Variants in PPP1R13B observed in about 807,000 individuals in gnomAD.
The protein encoded by PPP1R13B is apoptosis-stimulating of p53 protein 1.
A neutral mutation model predicts 119.8 loss-of-function variants in PPP1R13B; 44 were observed. The observed-to-expected ratio is 0.37, with a 90% CI of 0.29 to 0.47. PPP1R13B has a LOEUF of 0.47. PPP1R13B is among the 20% of genes least tolerant of loss of function. The pLI is 0.99. For synonymous variants in PPP1R13B, 542 were observed against 561.5 expected, an observed-to-expected ratio of 0.97 and a Z score of 0.49; for missense variants, 1,227 against 1,413.5, an observed-to-expected ratio of 0.87 and a Z score of 2.12.
In PPP1R13B at chr14:103,738,399, G is replaced by C. The variant is rs543435458; in HGVS notation, c.2864+280C>G. 2.1e-6 allele frequency: 1 copy of C among 476,138 alleles called. No homozygotes were observed. Among genetic ancestry groups the C allele is most frequent in the African/African-American group, 2.0e-5 (1 of 51,118 alleles). 29.5% of individuals were successfully genotyped at this position (476,138 alleles called of 1,614,324 possible). ...GAGTCCATACGGAACATATGAGAAG[G>C]GGAAGATGGAATGATTCACAGAATG... On this transcript the variant is annotated intron_variant, in intron 14 of 16. Transcript: ENST00000202556. This position sits in a 1 kb window ranked among gnomAD's most constrained non-coding sequence, Gnocchi z 5.6.
chr14:103,819,507 ACAAAC>A (rs1567148629), intron 1 of PPP1R13B, among the ~76,000 whole-genome samples: 7 of 145,986 alleles, frequency 4.8e-5, no homozygotes, highest in African/African-American at 5.1e-5. Flanking sequence ...ATTAAAAAAA[ACAAAC>A]AAACAAAAAA....
intron 1 of PPP1R13B, chr14:103,846,771 G>T (rs1201249481): frequency 2.2e-6 from 1 of 456,838 alleles, no homozygotes; most frequent in Admixed American, 2.3e-5. Context: ...AAAGCAAAAC[G>T]AACCAACATT....
At chr14:103,826,453 T>C (rs184834307) in intron 1 of PPP1R13B, among the ~76,000 whole-genome samples, 1 of 152,256 alleles carries the variant, frequency 6.6e-6, no homozygotes, top group African/African-American at 2.4e-5. Flanking sequence ...ACTCAGGTAT[T>C]ACCATGAGAA....
At position 103,830,483 on chromosome 14, in the gene PPP1R13B, G is replaced by A. The variant is rs1323119511; in HGVS notation, c.9+16816C>T. Among the ~76,000 whole-genome samples the A allele has an allele frequency of 7.2e-5, 11 of 152,096 alleles. 1 individual carries two copies. Among genetic ancestry groups the A allele is most frequent in the Admixed American group, 7.2e-4 (11 of 15,264 alleles). The stretch of plus-strand genomic sequence containing the variant: ...CTACTATGCCCTCCATTTTATAGAT[G>A]AGGAAACTGAGACGCAGAGAAATTA... On this transcript the variant is annotated intron_variant, in intron 1 of 16. Transcript: ENST00000202556.
chr14:103,801,563 C>T (rs189917395), intron 1 of PPP1R13B, among the ~76,000 whole-genome samples: 12 of 152,298 alleles, frequency 7.9e-5, no homozygotes, highest in South Asian at 2.1e-4. Flanking sequence ...TTACCGCCTC[C>T]GCTCACCAGG....
intron 12 of PPP1R13B, 191 bp from the exon 13 acceptor site, chr14:103,739,214 A>G (rs370003356): frequency 1.5e-6 from 1 of 674,470 alleles, no homozygotes. Context: ...TGCTCACTAC[A>G]AGGGAGAGCC....
chr14:103,829,426 A>T lies in PPP1R13B; in HGVS notation c.9+17873T>A, dbSNP rs187528802. On this transcript the variant is annotated intron_variant, in intron 1 of 16. Coordinates refer to ENST00000202556, the MANE Select transcript of PPP1R13B (RefSeq NM_015316.3). ...AAATAATTTAATGTTTTTAAAAAAAATTTTTTTTTAATACAGACAAGGTCT... is the reference window on the plus strand; with the variant it reads ...AAATAATTTAATGTTTTTAAAAAAATTTTTTTTTTAATACAGACAAGGTCT... 3.7e-4 allele frequency among the ~76,000 whole-genome samples: 56 copies of T among 151,908 alleles called. 1 individual carries two copies. The highest frequency in any genetic ancestry group is 3.7e-3 in the East Asian group (19 of 5,170).
chr14:103,841,618 T>G (rs2086911646), intron 1 of PPP1R13B, among the ~76,000 whole-genome samples: 1 of 152,068 alleles, frequency 6.6e-6, no homozygotes, highest in African/African-American at 2.4e-5. Context: ...AAAAAAATTT[T>G]TTTAAATATT....
chr14:103,816,844 G>A (rs908010404), intron 1 of PPP1R13B, among the ~76,000 whole-genome samples: 4 of 152,010 alleles, frequency 2.6e-5, no homozygotes, highest in African/African-American at 9.7e-5. Context: ...TGTTCCTGAA[G>A]AACACTTTTA....
intron 4 of PPP1R13B, among the ~76,000 whole-genome samples, chr14:103,761,812 A>G (rs2084813741): frequency 6.6e-6 from 1 of 152,176 alleles, no homozygotes; most frequent in African/African-American, 2.4e-5. Flanking sequence ...ATAATGCTCT[A>G]TAAGGAGTGG....
intron 8 of PPP1R13B, among the ~76,000 whole-genome samples, chr14:103,748,391 C>T (rs979052184): frequency 3.9e-5 from 6 of 152,178 alleles, no homozygotes; most frequent in Admixed American, 3.9e-4. Context: ...CTCCCTTCTA[C>T]GTCTACCACC....
At chr14:103,800,415 G>A (rs1224013731) in intron 1 of PPP1R13B, among the ~76,000 whole-genome samples, 2 of 152,132 alleles carry the variant, frequency 1.3e-5, no homozygotes, top group Non-Finnish European at 2.9e-5. Context: ...CACTCTGGGA[G>A]GCCAAGGTGG....
Position 103,734,037 on chromosome 14 carries a change from A to C in PPP1R13B, c.*1117T>G, listed in dbSNP as rs530963331. ...TCCAACATAGTTCGGGTAGCTTTGAATGGTCTAGTCAAAAAATACTTTTGG... is the reference window on the plus strand; with the variant it reads ...TCCAACATAGTTCGGGTAGCTTTGACTGGTCTAGTCAAAAAATACTTTTGG... On this transcript the variant is annotated 3_prime_UTR_variant, in exon 17 of 17. Coordinates refer to ENST00000202556, the MANE Select transcript of PPP1R13B (RefSeq NM_015316.3). 1.2e-5 allele frequency: 2 copies of C among 160,594 alleles called. No homozygotes were observed. The highest frequency in any genetic ancestry group is 4.8e-5 in the African/African-American group (2 of 41,740). 9.9% of individuals were successfully genotyped at this position (160,594 alleles called of 1,614,324 possible). A position where few individuals can be genotyped will look rare whatever the true frequency, so the allele number is the denominator to read the frequency against.
chr14:103,757,416 G>GT (rs2084704249), intron 5 of PPP1R13B, among the ~76,000 whole-genome samples: 1 of 152,122 alleles, frequency 6.6e-6, no homozygotes, highest in Non-Finnish European at 1.5e-5. Context: ...GGTGTCTATT[G>GT]TATGTGTCAA....
chr14:103,740,148 G>A lies in PPP1R13B; in HGVS notation c.2268C>T (p.Ala756=), dbSNP rs776896554. Residue 756 remains alanine (A), a synonymous_variant, in exon 12 of 17, where the codon GCC becomes GCT. Transcript: ENST00000202556. The surrounding 1 kb of genome is among the most constrained non-coding windows in gnomAD (Gnocchi z 4.6). ...SPSQDFMGTL[A]DVDNGNTNAN... is the part of the protein sequence containing the mutation. ...CATTGGTGTTTCCATTGTCCACATC[G>A]GCCAAGGTGCCCATGAAGTCCTGGG... is the stretch of plus-strand genomic sequence containing the variant. 16 of 1,613,406 alleles carry A rather than the reference G, an allele frequency of 9.9e-6. No homozygotes were observed. The highest frequency in any genetic ancestry group is 2.7e-5 in the African/African-American group (2 of 74,918).
intron 9 of PPP1R13B, among the ~76,000 whole-genome samples, chr14:103,743,594 G>A (rs899851113): frequency 1.3e-5 from 2 of 152,220 alleles, no homozygotes; most frequent in African/African-American, 2.4e-5. Flanking sequence ...CTGAACTAAA[G>A]TGTTCAACGC....
At position 103,821,323 on chromosome 14, in the gene PPP1R13B, T is replaced by G. The variant is rs543556109; in HGVS notation, c.10-23805A>C. Among the ~76,000 whole-genome samples the G allele has an allele frequency of 7.2e-5, 11 of 152,316 alleles. No individual in the cohort carries two copies. The South Asian group carries it at 2.3e-3, about 32-fold the overall frequency. On this transcript the variant is annotated intron_variant, in intron 1 of 16. Transcript: ENST00000202556. ...TAATTTCCTCTTCCTCTTTTTAATTTCAGTACCTGATAATAATGGGCACTG... is the reference window on the plus strand; with the variant it reads ...TAATTTCCTCTTCCTCTTTTTAATTGCAGTACCTGATAATAATGGGCACTG...
In PPP1R13B at chr14:103,738,909, G is replaced by A; in HGVS notation, c.2707C>T (p.Leu903=). ...LDASLEGEFD[L]VQRIIYEVED... Reference sequence around the variant, plus strand: ...ACCTCATAGATGATCCTCTGCACCAGATCGAACTCTCCTTCCAGAGACGCG... The same window carrying A: ...ACCTCATAGATGATCCTCTGCACCAAATCGAACTCTCCTTCCAGAGACGCG... Residue 903 remains leucine (L), a synonymous_variant, in exon 13 of 17, where the codon CTG becomes TTG. Transcript: ENST00000202556. This position sits in a 1 kb window ranked among gnomAD's most constrained non-coding sequence, Gnocchi z 5.6. 1 of 1,614,054 alleles carries A rather than the reference G, an allele frequency of 6.2e-7. No homozygotes were observed. The highest frequency in any genetic ancestry group is 8.5e-7 in the Non-Finnish European group (1 of 1,179,980).
chr14:103,736,237 A>T, intron 15 of PPP1R13B, 35 bp from the exon 16 acceptor site: 2 of 1,599,192 alleles, frequency 1.3e-6, no homozygotes, highest in South Asian at 2.2e-5. Flanking sequence ...GCCTCAGCAG[A>T]GGGTGGCCTG....
Sources: gnomAD v4.1 joint callset for allele counts (sites outside exome capture counted in the v4.1 genomes callset) on GRCh38, gnomAD v4.1.1 for gene constraint, Gnocchi (gnomAD v3.1) non-coding constraint, MANE v1.5 for transcripts, NCBI Gene and HGNC (gene_info 2026-07-23, HGNC 2026-07-21) for gene names.